Variants in SCN3A observed in about 807,000 individuals in gnomAD.
The protein encoded by SCN3A is sodium voltage-gated channel alpha subunit 3.
Under a neutral mutation model 187.6 loss-of-function variants are expected in SCN3A, and 60 were observed. The observed-to-expected ratio is 0.32, with a 90% CI of 0.26 to 0.40. The LOEUF (loss-of-function observed/expected upper bound fraction) is 0.40. Ranked by LOEUF, SCN3A falls within the 10% of genes least tolerant of loss-of-function variation. The pLI, the probability that SCN3A is intolerant of heterozygous loss-of-function variation, is 1.00. For synonymous variants in SCN3A, 788 were observed against 829.2 expected, an observed-to-expected ratio of 0.95 and a Z score of 0.85; for missense variants, 1,601 against 2,428.2, an observed-to-expected ratio of 0.66 and a Z score of 7.16.
At chr2:165,126,709 G>A (rs1035251499) in intron 18 of SCN3A, among the ~76,000 whole-genome samples, 2 of 148,130 alleles carry the variant, frequency 1.4e-5, no homozygotes, top group Non-Finnish European at 3.0e-5. Flanking sequence ...TAACACAACA[G>A]TAAGAGTAGG....
chr2:165,176,152 A>G lies in SCN3A; in HGVS notation c.243T>C (p.Asp81=). The G allele has an allele frequency of 6.2e-7, 1 of 1,613,808 alleles. No individual in the cohort carries two copies. Among genetic ancestry groups the G allele is most frequent in the Non-Finnish European group, 8.5e-7 (1 of 1,179,736 alleles). The part of the protein sequence containing the change: ...EMVSEPLEDL[D]PYYINKKTFI... ...TCACTTTCTTATTGATATAGTAGGGATCCAGGTCCTCCAGGGGCTCTGACA... is the reference window on the plus strand; with the variant it reads ...TCACTTTCTTATTGATATAGTAGGGGTCCAGGTCCTCCAGGGGCTCTGACA... The change falls in exon 3 of 28, where the codon GAT becomes GAC. Residue 81 remains aspartate (D), a synonymous_variant. Transcript: ENST00000283254.
At chr2:165,125,711 T>C (rs766178574) in intron 18 of SCN3A, among the ~76,000 whole-genome samples, 4 of 152,320 alleles carry the variant, frequency 2.6e-5, no homozygotes, top group South Asian at 2.1e-4. Context: ...AGTTTTGTTA[T>C]AGAGCTCTCC....
rs148879346 is a variant in SCN3A, at chr2:165,096,345, A to G, written c.4293+122T>C. The G allele has an allele frequency of 2.4e-4, 181 of 749,758 alleles. 1 individual carries two copies. The East Asian group carries it at 3.4e-3, about 14-fold the overall frequency. 46.4% of individuals were successfully genotyped at this position (749,758 alleles called of 1,614,324 possible). A position where few individuals can be genotyped will look rare whatever the true frequency, so the allele number is the denominator to read the frequency against. On this transcript the variant is annotated intron_variant, in intron 24 of 27. Coordinates refer to ENST00000283254, the MANE Select transcript of SCN3A (RefSeq NM_006922.4). Reference sequence around the variant, plus strand: ...TCATCTATATTGAAGCAGACTGTTCATTTTTTATATGCAATATTAAATGTT... The same window carrying G: ...TCATCTATATTGAAGCAGACTGTTCGTTTTTTATATGCAATATTAAATGTT...
At chr2:165,198,769 A>G (rs754832768) in intron 1 of SCN3A, among the ~76,000 whole-genome samples, 1 of 152,180 alleles carries the variant, frequency 6.6e-6, no homozygotes, top group East Asian at 1.9e-4. Context: ...GTCATGACCA[A>G]CCATTATATA....
chr2:165,152,301 T>A (rs750054908), intron 11 of SCN3A, among the ~76,000 whole-genome samples: 4 of 152,166 alleles, frequency 2.6e-5, no homozygotes, highest in Non-Finnish European at 5.9e-5. Flanking sequence ...TTCACAATGT[T>A]AATTAGAGAT....
intron 5 of SCN3A, among the ~76,000 whole-genome samples, chr2:165,166,935 T>G (rs111362012): frequency 0.012 from 1,758 of 151,816 alleles, 30 homozygotes; most frequent in African/African-American, 0.04. Flanking sequence ...AGTTTCGCTC[T>G]GTCGTCCAGG....
intron 20 of SCN3A, 76 bp from the exon 21 acceptor site, chr2:165,113,134 TAGTG>T (rs1215983001): frequency 5.7e-6 from 6 of 1,056,188 alleles, no homozygotes; most frequent in East Asian, 4.7e-5. Flanking sequence ...CTTAGTATAA[TAGTG>T]AGTACAAAAC....
chr2:165,127,203 C>T (rs1056553895), intron 18 of SCN3A, among the ~76,000 whole-genome samples: 1 of 151,934 alleles, frequency 6.6e-6, no homozygotes, highest in Non-Finnish European at 1.5e-5. Flanking sequence ...GGACTACAGG[C>T]ATGTGCCACC....
In SCN3A at chr2:165,113,837, G is replaced by C; in HGVS notation, c.3648C>G (p.Ile1216Met). Reference sequence around the variant, plus strand: ...TTACCAATGCACCACTACTGAGAAGGATCATGAACACAATGAAAGTCTCAA... The same window carrying C: ...TTACCAATGCACCACTACTGAGAAGCATCATGAACACAATGAAAGTCTCAA... ...NWFETFIVFM[I>M]LLSSGALAFE... is the part of the protein sequence containing the mutation. Residue 1216 changes from isoleucine to methionine, a missense_variant, in exon 20 of 28, where the codon ATC becomes ATG. Coordinates refer to ENST00000283254, the MANE Select transcript of SCN3A (RefSeq NM_006922.4). 1 of 1,613,940 alleles carries C rather than the reference G, an allele frequency of 6.2e-7. No individual in the cohort carries two copies. Among genetic ancestry groups the C allele is most frequent in the Non-Finnish European group, 8.5e-7 (1 of 1,179,906 alleles).
chr2:165,092,649 C>A lies in SCN3A; in HGVS notation c.4537-125G>T. ...TGCACCCTCCTCATATTACCCCAAA[C>A]AATTTTGTGTGCTTTTTTTCTCTTC... On this transcript the variant is annotated intron_variant, in intron 26 of 27. Transcript: ENST00000283254. This position sits in a 1 kb window ranked among gnomAD's most constrained non-coding sequence, Gnocchi z 4.2. 1.2e-6 allele frequency: 1 copy of A among 848,842 alleles called. No homozygotes were observed. The highest frequency in any genetic ancestry group is 1.8e-6 in the Non-Finnish European group (1 of 548,278). The allele number at this position is 848,842 out of a possible 1,614,324, so 52.6% of individuals were successfully genotyped here.
chr2:165,194,970 C>A (rs1372099289), intron 1 of SCN3A: 1 of 152,074 alleles, frequency 6.6e-6, no homozygotes, highest in Non-Finnish European at 1.5e-5. Context: ...GTGGATGATG[C>A]CACTTACTGC....
At chr2:165,152,530 C>T (rs371063994) in intron 11 of SCN3A, among the ~76,000 whole-genome samples, 2 of 152,290 alleles carry the variant, frequency 1.3e-5, no homozygotes, top group East Asian at 3.9e-4. Context: ...CCGCAATAAA[C>T]ATACGTGTGC....
At chr2:165,158,096 G>A (rs775590299) in intron 9 of SCN3A, among the ~76,000 whole-genome samples, 1 of 152,146 alleles carries the variant, frequency 6.6e-6, no homozygotes, top group Non-Finnish European at 1.5e-5. Flanking sequence ...TGTTGCTACT[G>A]GGGTGTCATT....
intron 3 of SCN3A, among the ~76,000 whole-genome samples, chr2:165,175,480 AAG>A (rs1690393123): frequency 6.6e-6 from 1 of 152,092 alleles, no homozygotes; most frequent in South Asian, 2.1e-4. Context: ...GAAAATTTGA[AAG>A]TTCTTTCTTT....
chr2:165,120,714 T>G (rs1249648740), intron 18 of SCN3A, among the ~76,000 whole-genome samples: 1 of 151,960 alleles, frequency 6.6e-6, no homozygotes, highest in Non-Finnish European at 1.5e-5. Context: ...TCTTGACTTA[T>G]GATATTTCAC....
intron 21 of SCN3A, among the ~76,000 whole-genome samples, chr2:165,106,560 T>A (rs974522392): frequency 2.0e-5 from 3 of 152,322 alleles, no homozygotes; most frequent in Admixed American, 2.0e-4. Context: ...TGTTATATGT[T>A]ACTTAACTAG....
chr2:165,151,096 C>T (rs1156526403), intron 11 of SCN3A, among the ~76,000 whole-genome samples: 1 of 152,044 alleles, frequency 6.6e-6, no homozygotes, highest in Non-Finnish European at 1.5e-5. Context: ...TAAGGTATAT[C>T]CACATTACTA....
chr2:165,156,959 G>A (rs530756067), intron 9 of SCN3A, among the ~76,000 whole-genome samples: 2 of 151,850 alleles, frequency 1.3e-5, no homozygotes, highest in East Asian at 3.9e-4. Context: ...CGCCCAAGCT[G>A]GAGTGCAGTG....
At chr2:165,154,752 T>A in intron 10 of SCN3A, 94 bp from the exon 11 acceptor site, 1 of 1,213,454 alleles carries the variant, frequency 8.2e-7, no homozygotes, top group Non-Finnish European at 1.2e-6. Flanking sequence ...GTAGACTAAT[T>A]AGCTTTTTAG....
Sources: allele counts gnomAD v4.1 joint callset (sites outside exome capture counted in the v4.1 genomes callset), GRCh38; gene constraint gnomAD v4.1.1; non-coding constraint Gnocchi (gnomAD v3.1); transcripts MANE v1.5; gene names NCBI Gene and HGNC (gene_info 2026-07-23, HGNC 2026-07-21).